Variants in SCTR observed in about 807,000 individuals in gnomAD.
SCTR encodes the protein pancreatic secretin receptor.
SCTR carries 56 observed loss-of-function variants against 60.8 expected under a neutral mutation model. That is an observed-to-expected ratio of 0.92 (90% CI 0.74 to 1.15). SCTR has a LOEUF of 1.15. Ranked by LOEUF, SCTR falls within the 50% of genes most tolerant of loss-of-function variation. The pLI, the probability that SCTR is intolerant of heterozygous loss-of-function variation, is 0.00. For synonymous variants in SCTR, 202 were observed against 217.0 expected (o/e 0.93, Z 0.61); for missense variants, 562 against 550.4 (o/e 1.02, Z -0.21).
chr2:119,468,655 G>C (rs1683936915), intron 4 of SCTR, among the ~76,000 whole-genome samples: 1 of 152,230 alleles, frequency 6.6e-6, no homozygotes, highest in South Asian at 2.1e-4. Context: ...TAGGAAGTCT[G>C]AGCATGAAAT....
At chr2:119,518,929 T>C (rs1679195068) in intron 1 of SCTR, among the ~76,000 whole-genome samples, 1 of 152,162 alleles carries the variant, frequency 6.6e-6, no homozygotes, top group Admixed American at 6.5e-5. Flanking sequence ...TGGGAAGTTC[T>C]GCGGGAACTC....
intron 1 of SCTR, among the ~76,000 whole-genome samples, chr2:119,521,707 G>A (rs1353916150): frequency 6.6e-6 from 1 of 152,108 alleles, no homozygotes; most frequent in African/African-American, 2.4e-5. Flanking sequence ...TTGGGAAGAT[G>A]CCTATAATCT....
intron 7 of SCTR, among the ~76,000 whole-genome samples, chr2:119,454,948 T>C (rs1030089397): frequency 6.6e-6 from 1 of 152,206 alleles, no homozygotes; most frequent in Non-Finnish European, 1.5e-5. Context: ...TTGAACAGAA[T>C]AGATTGTTGA....
chr2:119,485,266 A>G (rs1677814317), intron 2 of SCTR, among the ~76,000 whole-genome samples: 1 of 152,254 alleles, frequency 6.6e-6, no homozygotes, highest in South Asian at 2.1e-4. Context: ...AGGGGTTTAT[A>G]GATAAAGATT....
chr2:119,448,872 G>A (rs1407594121), intron 9 of SCTR, 92 bp from the exon 10 acceptor site: 2 of 690,284 alleles, frequency 2.9e-6, no homozygotes, highest in Non-Finnish European at 5.2e-6. Context: ...GGGCAGAGAA[G>A]ACATTGCAGA....
rs1334038861 is a variant in SCTR at position 119,524,322 on chromosome 2, C to T, written c.-96G>A. 3.8e-6 allele frequency: 3 copies of T among 796,646 alleles called. No individual in the cohort carries two copies. The highest frequency in any genetic ancestry group is 3.5e-5 in the East Asian group (1 of 28,956). 49.3% of individuals were successfully genotyped at this position (796,646 alleles called of 1,614,324 possible). ...GCGCCCCGCGCAGGGTCCCGGGCTC[C>T]GGCCGGCCGCTGCGCCCCGAGGAGC... On this transcript the variant is annotated 5_prime_UTR_variant, in exon 1 of 13. Coordinates refer to ENST00000019103, the MANE Select transcript of SCTR (RefSeq NM_002980.3).
intron 12 of SCTR, among the ~76,000 whole-genome samples, chr2:119,440,604 C>T (rs1682620803): frequency 2.0e-5 from 3 of 152,200 alleles, no homozygotes; most frequent in Admixed American, 1.3e-4. Flanking sequence ...CGGATTAAGC[C>T]AGAGGCTGAG....
chr2:119,475,822 G>T (rs1301346095), intron 3 of SCTR, among the ~76,000 whole-genome samples: 1 of 151,670 alleles, frequency 6.6e-6, no homozygotes, highest in African/African-American at 2.4e-5. Flanking sequence ...ACCCTAATCA[G>T]GTTGGGAAGC....
chr2:119,517,247 C>T (rs1050275670), intron 1 of SCTR, among the ~76,000 whole-genome samples: 3 of 151,984 alleles, frequency 2.0e-5, no homozygotes, highest in African/African-American at 7.3e-5. Flanking sequence ...GCAGCCTCTA[C>T]TTCCCTGGTT....
rs967150641 is a variant in SCTR, at chr2:119,524,409, C to G, written c.-183G>C. The G allele has an allele frequency of 5.1e-6, 2 of 392,034 alleles. No individual in the cohort carries two copies. Among genetic ancestry groups the G allele is most frequent in the Non-Finnish European group, 4.5e-6 (1 of 224,658 alleles). The allele number at this position is 392,034 out of a possible 1,614,324, so 24.3% of individuals were successfully genotyped here. ...ACTGCTCCTCCTCGGACCAGGTGGCCGCGCGCGCTAAGCCGCCCGCCCCAT... is the reference window on the plus strand; with the variant it reads ...ACTGCTCCTCCTCGGACCAGGTGGCGGCGCGCGCTAAGCCGCCCGCCCCAT... On this transcript the variant is annotated 5_prime_UTR_variant, in exon 1 of 13. Coordinates refer to ENST00000019103, the MANE Select transcript of SCTR (RefSeq NM_002980.3).
intron 11 of SCTR, among the ~76,000 whole-genome samples, chr2:119,445,992 A>C (rs1353452878): frequency 1.3e-5 from 2 of 152,224 alleles, no homozygotes; most frequent in Admixed American, 6.5e-5. Context: ...AATAGCTATG[A>C]GTAAATAAAC....
chr2:119,523,379 AC>A (rs1057374535), intron 1 of SCTR, among the ~76,000 whole-genome samples: 3 of 146,790 alleles, frequency 2.0e-5, no homozygotes, highest in Admixed American at 6.8e-5. Context: ...AAAACAAACC[AC>A]CCATCCTGCC....
intron 9 of SCTR, among the ~76,000 whole-genome samples, chr2:119,450,098 TA>T (rs2104768849): frequency 8.0e-6 from 1 of 125,372 alleles, no homozygotes; most frequent in South Asian, 2.6e-4. Flanking sequence ...AATAAATAAA[TA>T]AATAAATGGA....
chr2:119,483,208 C>T (rs966010687), intron 2 of SCTR, among the ~76,000 whole-genome samples: 1 of 152,226 alleles, frequency 6.6e-6, no homozygotes, highest in African/African-American at 2.4e-5. Context: ...TGGGGACAGG[C>T]CATGCCAGGC....
intron 1 of SCTR, among the ~76,000 whole-genome samples, chr2:119,496,441 T>C (rs1032456648): frequency 1.3e-5 from 2 of 152,050 alleles, no homozygotes; most frequent in African/African-American, 4.8e-5. Flanking sequence ...TTATATATAA[T>C]ATAGAAAAAA....
rs774785999 is a variant in SCTR, at chr2:119,464,261, G to C, written c.504-6C>G. ...TGCGAGTGCAGTGGAGCCTCCTGCA[G>C]GGAGAGAATGTAGGGACATAGAGGC... On this transcript the variant is annotated splice_polypyrimidine_tract_variant and splice_region_variant and intron_variant, in intron 5 of 12. Coordinates refer to ENST00000019103, the MANE Select transcript of SCTR (RefSeq NM_002980.3). The C allele has an allele frequency of 1.3e-5, 21 of 1,614,010 alleles. No individual in the cohort carries two copies. The highest frequency in any genetic ancestry group is 1.1e-5 in the Non-Finnish European group (13 of 1,179,994).
chr2:119,454,503 G>T (rs1041642002), intron 7 of SCTR, among the ~76,000 whole-genome samples: 1 of 152,146 alleles, frequency 6.6e-6, no homozygotes, highest in African/African-American at 2.4e-5. Context: ...TCCCTACTGA[G>T]TTGGGCACTA....
At chr2:119,508,754 A>C (rs1678842426) in intron 1 of SCTR, among the ~76,000 whole-genome samples, 1 of 152,210 alleles carries the variant, frequency 6.6e-6, no homozygotes, top group Admixed American at 6.5e-5. Flanking sequence ...TTGTTTTGAA[A>C]TATGTATACA....
chr2:119,511,137 A>G lies in SCTR; in HGVS notation c.72+13018T>C, dbSNP rs1001352682. Among the ~76,000 whole-genome samples the G allele has an allele frequency of 8.2e-4, 125 of 151,986 alleles. 1 individual carries two copies. The highest frequency in any genetic ancestry group is 2.7e-3 in the African/African-American group (112 of 41,386). On this transcript the variant is annotated intron_variant, in intron 1 of 12. Transcript: ENST00000019103. Reference sequence around the variant, plus strand: ...AGAATGGTGTGAACTTGGGAGGCAGAGCTTGCAGTGAGCCCAGATAGCGCC... The same window carrying G: ...AGAATGGTGTGAACTTGGGAGGCAGGGCTTGCAGTGAGCCCAGATAGCGCC...
Sources: allele counts gnomAD v4.1 joint callset (sites outside exome capture counted in the v4.1 genomes callset), GRCh38; gene constraint gnomAD v4.1.1; transcripts MANE v1.5; gene names NCBI Gene and HGNC (gene_info 2026-07-23, HGNC 2026-07-21).